TNKS1BP1: variants seen among roughly 807,000 people sequenced by gnomAD.
The protein encoded by TNKS1BP1 is 182 kDa tankyrase-1-binding protein.
A neutral mutation model predicts 141.1 loss-of-function variants in TNKS1BP1; 48 were observed. That is an observed-to-expected ratio of 0.34 (90% CI 0.27 to 0.43). The LOEUF is 0.43. TNKS1BP1 is among the 20% of genes least tolerant of loss of function. The probability of loss-of-function intolerance (pLI) is 1.00; values close to 1 mark genes in which losing one functional copy is unlikely to be tolerated. For missense variants in TNKS1BP1, 2,149 were observed against 2,226.0 expected, an observed-to-expected ratio of 0.97 and a Z score of 0.70; for synonymous variants, 875 against 898.2, an observed-to-expected ratio of 0.97 and a Z score of 0.46.
At position 57,308,470 on chromosome 11, in the gene TNKS1BP1, T is replaced by C; in HGVS notation, c.4241A>G (p.Tyr1414Cys). The C allele has an allele frequency of 6.2e-7, 1 of 1,613,788 alleles. No homozygotes were observed. Among genetic ancestry groups the C allele is most frequent in the Non-Finnish European group, 8.5e-7 (1 of 1,179,946 alleles). ...TSGPETQGED[Y>C]SSSSLEPHPA... is the part of the protein sequence containing the mutation. ...GTGTGGCTCCAAGGAAGACGAGGAG[T>C]AATCTTCACCCTGGGTCTCTGGCCC... The change falls in exon 6 of 12, where the codon TAC becomes TGC. Residue 1414 changes from tyrosine (Y) to cysteine (C), a missense_variant. Physicochemically the swap from Tyr to Cys is radical, Grantham distance 194. Coordinates refer to ENST00000358252, the MANE Select transcript of TNKS1BP1 (RefSeq NM_033396.3).
At chr11:57,311,400 T>C (rs1250374886) in intron 5 of TNKS1BP1, 13 of 985,360 alleles carry the variant, frequency 1.3e-5, no homozygotes, top group Non-Finnish European at 1.6e-5. Flanking sequence ...GGCTGCTGGG[T>C]GCGGCCAGCC....
In TNKS1BP1 at chr11:57,310,232, T is replaced by G. The variant is rs1855683802; in HGVS notation, c.2479A>C (p.Lys827Gln). The G allele has an allele frequency of 1.9e-6, 3 of 1,614,032 alleles. No individual in the cohort carries two copies. The highest frequency in any genetic ancestry group is 1.3e-5 in the African/African-American group (1 of 74,920). ...CGCTGAGTGCCAAGCTGGGCTGGCT[T>G]TCCAACTACCCGGTCCTGGGCTGTG... ...VLTAQDRVVG[K>Q]PAQLGTQRSQ... is the part of the protein sequence containing the mutation. The change falls in exon 6 of 12, where the codon AAG (lysine) becomes CAG (glutamine). Residue 827 changes from lysine (K) to glutamine (Q), a missense_variant. Physicochemically the swap from Lys to Gln is moderately conservative, Grantham distance 53. Coordinates refer to ENST00000358252, the MANE Select transcript of TNKS1BP1 (RefSeq NM_033396.3).
chr11:57,324,697 C>A (rs971198031), intron 1 of TNKS1BP1, 143 bp downstream of exon 1: 2 of 870,998 alleles, frequency 2.3e-6, no homozygotes, highest in African/African-American at 1.8e-5. Flanking sequence ...CCCTCGGCCC[C>A]TGCAAACTTT....
At position 57,313,533 on chromosome 11, in the gene TNKS1BP1, G is replaced by A. The variant is rs1308936446; in HGVS notation, c.1155C>T (p.Ala385=). ...CCTCGATCAGGGGCCGGGGTGAGGTGGCAGGGGGCTGATCCAGGCTATGGG... is the reference window on the plus strand; with the variant it reads ...CCTCGATCAGGGGCCGGGGTGAGGTAGCAGGGGGCTGATCCAGGCTATGGG... ...LEPHSLDQPP[A]TSPRPLIEVG... is the part of the protein sequence containing the mutation. The change falls in exon 5 of 12, where the codon GCC becomes GCT. Residue 385 remains alanine (A), a synonymous_variant. Transcript: ENST00000358252. 7 of 1,572,152 alleles carry A rather than the reference G, an allele frequency of 4.5e-6. No individual in the cohort carries two copies. The highest frequency in any genetic ancestry group is 1.7e-4 in the Middle Eastern group (1 of 5,862).
intron 1 of TNKS1BP1, among the ~76,000 whole-genome samples, chr11:57,324,231 G>C (rs1321696782): frequency 6.6e-6 from 1 of 152,222 alleles, no homozygotes; most frequent in Non-Finnish European, 1.5e-5. Flanking sequence ...GGGACAGCAC[G>C]TAAACTGCTG....
rs1439674699 is a variant in TNKS1BP1, at chr11:57,302,099, ATC to A, written c.4807_4808del (p.Asp1603CysfsTer20). The A allele has an allele frequency of 6.2e-7, 1 of 1,613,800 alleles. No homozygotes were observed. Among genetic ancestry groups the A allele is most frequent in the Non-Finnish European group, 8.5e-7 (1 of 1,179,890 alleles). ...TLGLSEAADS[D>X]AHLFQDSTEP... is the part of the protein sequence containing the mutation. ...CTGTAGAGTCCTGGAACAGGTGTGCATCCGAGTCTGCTGCCTCCGACAGGCCC... is the reference window on the plus strand; with the variant it reads ...CTGTAGAGTCCTGGAACAGGTGTGCACGAGTCTGCTGCCTCCGACAGGCCC... On this transcript the variant is annotated frameshift_variant, in exon 8 of 12. Transcript: ENST00000358252. LOFTEE classifies it high-confidence loss of function. This position sits in a 1 kb window ranked among gnomAD's most constrained non-coding sequence, Gnocchi z 5.5.
chr11:57,310,340 C>T lies in TNKS1BP1; in HGVS notation c.2371G>A (p.Ala791Thr), dbSNP rs753698865. Residue 791 changes from alanine to threonine, a missense_variant, in exon 6 of 12, where the codon GCC becomes ACC. Physicochemically the swap from Ala to Thr is moderately conservative, Grantham distance 58. Coordinates refer to ENST00000358252, the MANE Select transcript of TNKS1BP1 (RefSeq NM_033396.3). ...TCCTGGCCGATGCCACACCTGCTGGCCCACTCCCTGGTGCTCCCTTCCCCT... is the reference window on the plus strand; with the variant it reads ...TCCTGGCCGATGCCACACCTGCTGGTCCACTCCCTGGTGCTCCCTTCCCCT... ...GAGEGSTREW[A>T]SRCGIGQEEM... 1 of 1,614,070 alleles carries T rather than the reference C, an allele frequency of 6.2e-7. No homozygotes were observed. Among genetic ancestry groups the T allele is most frequent in the South Asian group, 1.1e-5 (1 of 91,088 alleles).
rs747840866 is a variant in TNKS1BP1, at chr11:57,320,639, TTTGGCAGGCAGGGCTGGC to T, written c.150_167del (p.Ala52_Pro57del). On this transcript the variant is annotated inframe_deletion, in exon 3 of 12. Coordinates refer to ENST00000358252, the MANE Select transcript of TNKS1BP1 (RefSeq NM_033396.3). ...GCCCAACAGGCACCAGCAGGCTGGG[TTTGGCAGGCAGGGCTGGC>T]TTGGCAGGCAGGGCCCGGGGTTTGG... 4.2e-4 allele frequency: 677 copies of T among 1,612,848 alleles called. No individual in the cohort carries two copies. The highest frequency in any genetic ancestry group is 5.5e-4 in the Non-Finnish European group (647 of 1,179,768).
chr11:57,305,813 G>A (rs1855601174), intron 6 of TNKS1BP1, among the ~76,000 whole-genome samples: 5 of 152,174 alleles, frequency 3.3e-5, no homozygotes, highest in Admixed American at 3.3e-4. Flanking sequence ...ACTTACAGAC[G>A]AGGAATCGGA....
Position 57,324,896 on chromosome 11 carries a change from GCCGCCGCCGCTGCTA to G in TNKS1BP1, c.-137_-123del, listed in dbSNP as rs1855945464. 8.1e-6 allele frequency: 8 copies of G among 981,868 alleles called. No individual in the cohort carries two copies. The highest frequency in any genetic ancestry group is 1.8e-5 in the African/African-American group (1 of 56,428). The allele number at this position is 981,868 out of a possible 1,614,324, so 60.8% of individuals were successfully genotyped here. A position where few individuals can be genotyped will look rare whatever the true frequency, so the allele number is the denominator to read the frequency against. ...CGGGGCCCCGATGCCAGTCCCCGCC[GCCGCCGCCGCTGCTA>G]CCGCCGCCGCCGCCGCCGTCACCGC... On this transcript the variant is annotated 5_prime_UTR_variant, in exon 1 of 12. Transcript: ENST00000358252.
At chr11:57,319,093 C>G (rs188199387) in intron 3 of TNKS1BP1, among the ~76,000 whole-genome samples, 1 of 147,460 alleles carries the variant, frequency 6.8e-6, no homozygotes, top group Non-Finnish European at 1.5e-5. Flanking sequence ...TGCAGTGAGC[C>G]GAGATTGCGC....
At chr11:57,319,239 C>T (rs1590594987) in intron 3 of TNKS1BP1, among the ~76,000 whole-genome samples, 1 of 151,914 alleles carries the variant, frequency 6.6e-6, no homozygotes, top group Non-Finnish European at 1.5e-5. Context: ...CATCCTGACA[C>T]ACGCAGCCCC....
rs750385124 is a variant in TNKS1BP1 at position 57,320,640 on chromosome 11, T to A, written c.167A>T (p.Lys56Ile). The change falls in exon 3 of 12, where the codon AAA becomes ATA. Residue 56 changes from lysine (K) to isoleucine (I), a missense_variant. Lys to Ile is a moderately radical substitution (Grantham distance 102). Transcript: ENST00000358252. ...ALPAKPALPAKPSLLVPVGPR... is the reference protein window; with the variant it reads ...ALPAKPALPAIPSLLVPVGPR... ...CCCAACAGGCACCAGCAGGCTGGGTTTGGCAGGCAGGGCTGGCTTGGCAGG... is the reference window on the plus strand; with the variant it reads ...CCCAACAGGCACCAGCAGGCTGGGTATGGCAGGCAGGGCTGGCTTGGCAGG... 14 of 1,611,674 alleles carry A rather than the reference T, an allele frequency of 8.7e-6. No individual in the cohort carries two copies. The highest frequency in any genetic ancestry group is 3.4e-6 in the Non-Finnish European group (4 of 1,178,498).
chr11:57,317,738 A>C (rs1695562483), intron 4 of TNKS1BP1, 80 bp downstream of exon 4: 5 of 1,392,210 alleles, frequency 3.6e-6, no homozygotes, highest in Non-Finnish European at 5.0e-6. Flanking sequence ...CTGAACTACA[A>C]GGAGTAGAAA....
At chr11:57,306,295 A>AAAAAG (rs60916068) in intron 6 of TNKS1BP1, among the ~76,000 whole-genome samples, 29,899 of 150,902 alleles carry the variant, frequency 0.2, 3,376 homozygotes, top group Non-Finnish European at 0.26. Context: ...CAAAAAAAAA[A>AAAAAG]AGAGAAAGTG....
chr11:57,301,998 A>C, intron 8 of TNKS1BP1, 55 bp from the exon 9 acceptor site: 2 of 1,605,276 alleles, frequency 1.2e-6, no homozygotes, highest in Non-Finnish European at 1.7e-6. Context: ...GACTCCCCGA[A>C]CCCATAACCC....
chr11:57,320,023 T>TCCCCCC, intron 3 of TNKS1BP1, 56 bp downstream of exon 3: 1 of 641,916 alleles, frequency 1.6e-6, no homozygotes, highest in Admixed American at 2.6e-5. Context: ...CCCCACCCAA[T>TCCCCCC]CCCACCCCAC....
chr11:57,309,596 C>T lies in TNKS1BP1; in HGVS notation c.3115G>A (p.Ala1039Thr). The T allele has an allele frequency of 1.2e-6, 2 of 1,613,756 alleles. No individual in the cohort carries two copies. Among genetic ancestry groups the T allele is most frequent in the Non-Finnish European group, 1.7e-6 (2 of 1,180,028 alleles). ...SPSTAHVPDGALGQRDQSSWQ... is the reference protein window; with the variant it reads ...SPSTAHVPDGTLGQRDQSSWQ... Reference sequence around the variant, plus strand: ...CTGCTCTGGTCTCTCTGCCCGAGTGCCCCATCCGGCACGTGGGCAGTGCTA... The same window carrying T: ...CTGCTCTGGTCTCTCTGCCCGAGTGTCCCATCCGGCACGTGGGCAGTGCTA... The change falls in exon 6 of 12, where the codon GCA (alanine) becomes ACA (threonine). Residue 1039 changes from alanine to threonine, a missense_variant. Ala to Thr is a moderately conservative substitution (Grantham distance 58). Transcript: ENST00000358252. This position sits in a 1 kb window ranked among gnomAD's most constrained non-coding sequence, Gnocchi z 4.3.
At position 57,302,998 on chromosome 11, in the gene TNKS1BP1, T is replaced by A; in HGVS notation, c.4317-173A>T. On this transcript the variant is annotated intron_variant, in intron 6 of 11. Coordinates refer to ENST00000358252, the MANE Select transcript of TNKS1BP1 (RefSeq NM_033396.3). This position sits in a 1 kb window ranked among gnomAD's most constrained non-coding sequence, Gnocchi z 5.5. ...GGCCTTGAGCAACACAGCACACAGG[T>A]GAAGAGCTGAGCCAGTCTGGCAGGT... The A allele has an allele frequency of 1.4e-6, 1 of 724,592 alleles. No homozygotes were observed. The highest frequency in any genetic ancestry group is 2.0e-6 in the Non-Finnish European group (1 of 488,876). 44.9% of individuals were successfully genotyped at this position (724,592 alleles called of 1,614,324 possible). A position where few individuals can be genotyped will look rare whatever the true frequency, so the allele number is the denominator to read the frequency against.
Sources: allele counts gnomAD v4.1 joint callset (sites outside exome capture counted in the v4.1 genomes callset), GRCh38; gene constraint gnomAD v4.1.1; non-coding constraint Gnocchi (gnomAD v3.1); transcripts MANE v1.5; gene names NCBI Gene and HGNC (gene_info 2026-07-23, HGNC 2026-07-21).